KCNQ5: variants seen among roughly 807,000 people sequenced by gnomAD.
The protein encoded by KCNQ5 is potassium voltage-gated channel subfamily KQT member 5.
KCNQ5 carries 30 observed loss-of-function variants against 98.2 expected under a neutral mutation model. The ratio of observed to expected loss-of-function variants is 0.31; its 90% CI spans 0.23 to 0.41. KCNQ5 has a LOEUF of 0.41. Ranked by LOEUF, KCNQ5 falls within the 10% of genes least tolerant of loss-of-function variation. The pLI, the probability that KCNQ5 is intolerant of heterozygous loss-of-function variation, is 1.00. For synonymous variants in KCNQ5, 458 were observed against 449.4 expected, an observed-to-expected ratio of 1.02 and a Z score of -0.24; for missense variants, 835 against 1,182.5, an observed-to-expected ratio of 0.71 and a Z score of 4.31.
chr6:72,780,062 G>T (rs1773381576), intron 1 of KCNQ5, among the ~76,000 whole-genome samples: 1 of 151,948 alleles, frequency 6.6e-6, no homozygotes, highest in Admixed American at 6.6e-5. Flanking sequence ...TTTTTCAGTT[G>T]TACTCAACTA....
Position 72,676,801 on chromosome 6 carries a change from C to T in KCNQ5, c.398+54214C>T, listed in dbSNP as rs1767432921. Among the ~76,000 whole-genome samples the T allele has an allele frequency of 2.2e-5, 3 of 138,718 alleles. No individual in the cohort carries two copies. The South Asian group carries it at 7.2e-4, about 33-fold the overall frequency. The allele number at this position is 138,718 out of a possible 152,430, so 91.0% of individuals were successfully genotyped here. ...TTGAAATCAATGTGTCAAGATTCTT[C>T]ATTGTATTTTCCTTCAAAAAAGGCT... On this transcript the variant is annotated intron_variant, in intron 1 of 13. Coordinates refer to ENST00000370398, the MANE Select transcript of KCNQ5 (RefSeq NM_019842.4).
chr6:72,798,067 G>A (rs1457462873), intron 1 of KCNQ5, among the ~76,000 whole-genome samples: 1 of 152,138 alleles, frequency 6.6e-6, no homozygotes, highest in Non-Finnish European at 1.5e-5. Flanking sequence ...AAAGCACTCT[G>A]TGATACCCAT....
At chr6:72,817,560 C>T (rs1462447635) in intron 1 of KCNQ5, among the ~76,000 whole-genome samples, 1 of 152,118 alleles carries the variant, frequency 6.6e-6, no homozygotes, top group Non-Finnish European at 1.5e-5. Context: ...TAAAGCTGGG[C>T]AAGACATGGA....
intron 5 of KCNQ5, among the ~76,000 whole-genome samples, chr6:73,102,750 G>C (rs1774839758): frequency 6.6e-6 from 1 of 152,046 alleles, no homozygotes; most frequent in African/African-American, 2.4e-5. Flanking sequence ...TTTGGAGACA[G>C]GCAATAACAA....
At chr6:72,871,201 G>A (rs993154597) in intron 1 of KCNQ5, among the ~76,000 whole-genome samples, 1 of 152,028 alleles carries the variant, frequency 6.6e-6, no homozygotes, top group African/African-American at 2.4e-5. Context: ...AACCAAAAGA[G>A]GTCTTCTTCA....
At chr6:72,800,609 C>T (rs951242393) in intron 1 of KCNQ5, among the ~76,000 whole-genome samples, 39 of 150,578 alleles carry the variant, frequency 2.6e-4, no homozygotes, top group African/African-American at 6.8e-4. Context: ...GAAGGGTTTT[C>T]TGTGTCTCTA....
intron 10 of KCNQ5, chr6:73,134,361 T>C (rs926927194): frequency 6.4e-6 from 1 of 157,468 alleles, no homozygotes; most frequent in African/African-American, 2.4e-5. Context: ...CTAGGCCCCC[T>C]GGGATCTCTT....
intron 1 of KCNQ5, among the ~76,000 whole-genome samples, chr6:72,637,888 A>C (rs1039275618): frequency 5.9e-5 from 9 of 152,232 alleles, no homozygotes; most frequent in Non-Finnish European, 1.3e-4. Flanking sequence ...AAACAGTTTT[A>C]ACAAGCTCGA....
intron 3 of KCNQ5, among the ~76,000 whole-genome samples, chr6:73,046,656 T>TTATTTTATTG (rs2150361474): frequency 6.6e-6 from 1 of 151,538 alleles, no homozygotes; most frequent in South Asian, 2.1e-4. Context: ...TTATTTTATT[T>TTATTTTATTG]TTTGAGGCAG....
intron 1 of KCNQ5, among the ~76,000 whole-genome samples, chr6:72,628,196 G>C (rs2098918967): frequency 1.3e-5 from 2 of 152,174 alleles, no homozygotes; most frequent in Admixed American, 6.5e-5. Flanking sequence ...GAGCTTCAGG[G>C]TGAGCCGAAG....
chr6:72,644,906 C>A (rs1485773286), intron 1 of KCNQ5, among the ~76,000 whole-genome samples: 2 of 152,110 alleles, frequency 1.3e-5, no homozygotes, highest in Non-Finnish European at 2.9e-5. Context: ...CTGAATCAGG[C>A]TCCTGGAAAA....
intron 10 of KCNQ5, among the ~76,000 whole-genome samples, chr6:73,168,757 G>C (rs1294060061): frequency 1.3e-5 from 2 of 151,868 alleles, no homozygotes; most frequent in Admixed American, 1.3e-4. Flanking sequence ...TCTTTCATGA[G>C]AGCATTTTTA....
chr6:72,970,422 C>T (rs976094501), intron 1 of KCNQ5, among the ~76,000 whole-genome samples: 1 of 152,168 alleles, frequency 6.6e-6, no homozygotes, highest in Non-Finnish European at 1.5e-5. Flanking sequence ...GTGTGTATTA[C>T]ATATGCACAT....
intron 7 of KCNQ5, among the ~76,000 whole-genome samples, chr6:73,117,641 T>C (rs1188634931): frequency 6.6e-6 from 1 of 152,218 alleles, no homozygotes; most frequent in East Asian, 1.9e-4. Context: ...ATGCTTCTAG[T>C]TCTACAGGAG....
chr6:73,089,317 G>C (rs2150402937), intron 5 of KCNQ5, among the ~76,000 whole-genome samples: 1 of 152,276 alleles, frequency 6.6e-6, no homozygotes, highest in East Asian at 1.9e-4. Context: ...GAAACAGTTG[G>C]TAGGGAAGTA....
chr6:73,066,541 T>C (rs937087886), intron 3 of KCNQ5, among the ~76,000 whole-genome samples: 3 of 152,194 alleles, frequency 2.0e-5, no homozygotes, highest in Non-Finnish European at 4.4e-5. Context: ...GCCTTAACAC[T>C]TAATTTGAGA....
chr6:72,831,854 G>T (rs1562011902), intron 1 of KCNQ5, among the ~76,000 whole-genome samples: 1 of 152,042 alleles, frequency 6.6e-6, no homozygotes, highest in Non-Finnish European at 1.5e-5. Flanking sequence ...GGGCTTTAGT[G>T]AGGTGTGTGG....
At chr6:72,649,262 C>T (rs560347837) in intron 1 of KCNQ5, among the ~76,000 whole-genome samples, 66 of 152,262 alleles carry the variant, frequency 4.3e-4, no homozygotes, top group Middle Eastern at 6.8e-3. Flanking sequence ...AGAATCTCTA[C>T]GTATTTTAAA....
intron 1 of KCNQ5, among the ~76,000 whole-genome samples, chr6:72,681,292 G>A (rs1767697007): frequency 6.6e-6 from 1 of 152,170 alleles, no homozygotes; most frequent in African/African-American, 2.4e-5. Flanking sequence ...CAATAACAAT[G>A]ATGATAAGAG....
Sources: allele counts gnomAD v4.1 joint callset (sites outside exome capture counted in the v4.1 genomes callset), GRCh38; gene constraint gnomAD v4.1.1; transcripts MANE v1.5; gene names NCBI Gene and HGNC (gene_info 2026-07-23, HGNC 2026-07-21).